The following TAFA4 variants were observed in gnomAD, a reference collection of about 807,000 sequenced individuals.
TAFA4 encodes the protein TAFA chemokine like family member 4.
A neutral mutation model predicts 21.1 loss-of-function variants in TAFA4; 20 were observed. The ratio of observed to expected loss-of-function variants is 0.95; its 90% CI spans 0.67 to 1.38. TAFA4 has a LOEUF of 1.38. Among genes scored for constraint, TAFA4 ranks in the 40% most tolerant of loss-of-function variants. TAFA4 has a pLI of 0.00. For synonymous variants in TAFA4, 71 were observed against 67.4 expected (o/e 1.05, Z -0.26); for missense variants, 211 against 180.9 (o/e 1.17, Z -0.95).
At chr3:68,854,630 T>C (rs1011980250) in intron 3 of TAFA4, among the ~76,000 whole-genome samples, 1 of 151,964 alleles carries the variant, frequency 6.6e-6, no homozygotes, top group Non-Finnish European at 1.5e-5. Context: ...TGAGTGGCCT[T>C]AGCCTCTCAT....
At chr3:68,856,269 T>C (rs935751429) in intron 3 of TAFA4, among the ~76,000 whole-genome samples, 10 of 152,012 alleles carry the variant, frequency 6.6e-5, no homozygotes, top group Admixed American at 5.9e-4. Context: ...GATTGAGAGG[T>C]CTAAGGCAAC....
At chr3:68,794,277 TA>T (rs1703416046) in intron 3 of TAFA4, among the ~76,000 whole-genome samples, 1 of 152,184 alleles carries the variant, frequency 6.6e-6, no homozygotes, top group East Asian at 1.9e-4. Flanking sequence ...CCTGAAGAAC[TA>T]ATCATTAACA....
rs535208685 is a variant in TAFA4 at position 68,861,268 on chromosome 3, G to T, written c.130+19462C>A. ...AGGGTTCACTGTGAAGTATTCTGCA[G>T]CAATTGGAATCTTAGTACATCCTTC... On this transcript the variant is annotated intron_variant, in intron 3 of 5. Coordinates refer to ENST00000295569, the MANE Select transcript of TAFA4 (RefSeq NM_182522.5). Among the ~76,000 whole-genome samples the T allele has an allele frequency of 2.0e-5, 3 of 151,980 alleles. No individual in the cohort carries two copies. The East Asian group carries it at 5.8e-4, about 29-fold the overall frequency.
intron 3 of TAFA4, among the ~76,000 whole-genome samples, chr3:68,811,913 G>A (rs372301627): frequency 6.6e-6 from 1 of 152,080 alleles, no homozygotes; most frequent in African/African-American, 2.4e-5. Flanking sequence ...AATGTTAAGG[G>A]CAGCCAGAGA....
chr3:68,901,333 C>A (rs1055511151), intron 1 of TAFA4, among the ~76,000 whole-genome samples: 1 of 151,654 alleles, frequency 6.6e-6, no homozygotes, highest in African/African-American at 2.4e-5. Flanking sequence ...AAAAAAAATT[C>A]TTATCTTTGC....
At chr3:68,793,920 T>C (rs1703410302) in intron 3 of TAFA4, among the ~76,000 whole-genome samples, 1 of 152,214 alleles carries the variant, frequency 6.6e-6, no homozygotes, top group Admixed American at 6.6e-5. Context: ...GTCAAGACAC[T>C]GGAATTTTGA....
chr3:68,909,517 A>C (rs2089936389), intron 1 of TAFA4, among the ~76,000 whole-genome samples: 1 of 152,154 alleles, frequency 6.6e-6, no homozygotes, highest in South Asian at 2.1e-4. Context: ...ATGGAACATA[A>C]ACACCTCAAA....
intron 3 of TAFA4, among the ~76,000 whole-genome samples, chr3:68,812,301 C>A (rs984004160): frequency 1.3e-5 from 2 of 152,150 alleles, no homozygotes; most frequent in Non-Finnish European, 1.5e-5. Context: ...ATCAAAATGA[C>A]AGGATCAAAT....
intron 3 of TAFA4, among the ~76,000 whole-genome samples, chr3:68,857,015 G>A (rs1474481851): frequency 1.3e-5 from 2 of 152,140 alleles, no homozygotes; most frequent in South Asian, 2.1e-4. Context: ...ACGCAGGGTA[G>A]AGGATTTGAC....
chr3:68,875,976 GAAAT>G (rs1168290124), intron 3 of TAFA4, among the ~76,000 whole-genome samples: 1 of 151,048 alleles, frequency 6.6e-6, no homozygotes, highest in Non-Finnish European at 1.5e-5. Flanking sequence ...GAAATTAAGT[GAAAT>G]AAAGAGAGAT....
At chr3:68,826,366 G>A (rs1000553805) in intron 3 of TAFA4, among the ~76,000 whole-genome samples, 1 of 152,132 alleles carries the variant, frequency 6.6e-6, no homozygotes, top group Non-Finnish European at 1.5e-5. Context: ...AAGGTCAGCC[G>A]ATCGAGACCA....
At chr3:68,751,047 G>A (rs1702549555) in intron 4 of TAFA4, among the ~76,000 whole-genome samples, 1 of 152,196 alleles carries the variant, frequency 6.6e-6, no homozygotes, top group Non-Finnish European at 1.5e-5. Context: ...TTTGAAAGGA[G>A]AATAAGAAGA....
At chr3:68,806,894 C>T (rs1239982315) in intron 3 of TAFA4, among the ~76,000 whole-genome samples, 5 of 152,136 alleles carry the variant, frequency 3.3e-5, no homozygotes, top group African/African-American at 1.2e-4. Context: ...TCAAGCCACT[C>T]GGTATATGGT....
chr3:68,847,797 T>A (rs1313046322), intron 3 of TAFA4, among the ~76,000 whole-genome samples: 1 of 152,208 alleles, frequency 6.6e-6, no homozygotes, highest in Non-Finnish European at 1.5e-5. Context: ...GGTCATAAAA[T>A]CCATGGAAAT....
chr3:68,872,531 A>C (rs13096541), intron 3 of TAFA4, among the ~76,000 whole-genome samples: 2 of 151,910 alleles, frequency 1.3e-5, no homozygotes, highest in Non-Finnish European at 2.9e-5. Flanking sequence ...GTTTTAGTTC[A>C]AAATAGCTAG....
intron 3 of TAFA4, among the ~76,000 whole-genome samples, chr3:68,807,059 A>C (rs1407845678): frequency 6.6e-6 from 1 of 152,218 alleles, no homozygotes; most frequent in Non-Finnish European, 1.5e-5. Flanking sequence ...TAAGCATATC[A>C]GACATGTCCA....
intron 3 of TAFA4, among the ~76,000 whole-genome samples, chr3:68,848,935 TAA>T (rs34625267): frequency 4.7e-5 from 7 of 149,400 alleles, no homozygotes; most frequent in African/African-American, 1.2e-4. Flanking sequence ...ATGCTAACTT[TAA>T]AAAAAAAAAT....
chr3:68,911,646 C>T (rs2089962721), intron 1 of TAFA4, among the ~76,000 whole-genome samples: 1 of 152,176 alleles, frequency 6.6e-6, no homozygotes, highest in African/African-American at 2.4e-5. Flanking sequence ...GAGAACAAAT[C>T]AGGAAGGGAG....
intron 5 of TAFA4, among the ~76,000 whole-genome samples, chr3:68,734,092 C>T (rs1234185326): frequency 6.6e-6 from 1 of 152,172 alleles, no homozygotes; most frequent in African/African-American, 2.4e-5. Flanking sequence ...GCCTTTATTT[C>T]ATTCACAAAA....
Sources: gnomAD v4.1 joint callset for allele counts (sites outside exome capture counted in the v4.1 genomes callset) on GRCh38, gnomAD v4.1.1 for gene constraint, MANE v1.5 for transcripts, NCBI Gene and HGNC (gene_info 2026-07-23, HGNC 2026-07-21) for gene names.